DCUN1D4: variants seen among roughly 807,000 people sequenced by gnomAD.
DCUN1D4 encodes defective in cullin neddylation 1 domain containing 4, also known as DCN1-like protein 4.
DCUN1D4 carries 22 observed loss-of-function variants against 47.9 expected under a neutral mutation model. The ratio of observed to expected loss-of-function variants is 0.46; its 90% CI spans 0.33 to 0.66. The LOEUF (loss-of-function observed/expected upper bound fraction) is 0.66. Ranked by LOEUF, DCUN1D4 falls within the 30% of genes least tolerant of loss-of-function variation. The pLI, the probability that DCUN1D4 is intolerant of heterozygous loss-of-function variation, is 0.02. For synonymous variants in DCUN1D4, 121 were observed against 112.2 expected, an observed-to-expected ratio of 1.08 and a Z score of -0.50; for missense variants, 301 against 340.8, an observed-to-expected ratio of 0.88 and a Z score of 0.92.
rs1443621206 is a variant in DCUN1D4, at chr4:51,916,638, G to A, written c.*3054G>A. 3 of 152,514 alleles carry A rather than the reference G, an allele frequency of 2.0e-5. No homozygotes were observed. The highest frequency in any genetic ancestry group is 4.4e-5 in the Non-Finnish European group (3 of 67,990). 9.4% of individuals were successfully genotyped at this position (152,514 alleles called of 1,614,324 possible). On this transcript the variant is annotated 3_prime_UTR_variant, in exon 11 of 11. Transcript: ENST00000334635. ...TGGGGGTTACTGTTCAATGACAGCA[G>A]GTAACCTATAACTGTGAATGCTTCG...
chr4:51,850,482 T>C (rs1723207675), intron 1 of DCUN1D4, among the ~76,000 whole-genome samples: 1 of 152,190 alleles, frequency 6.6e-6, no homozygotes, highest in African/African-American at 2.4e-5. Context: ...TGTCATCTCC[T>C]AGCCAAGGGA....
intron 7 of DCUN1D4, among the ~76,000 whole-genome samples, chr4:51,894,861 T>C (rs1231534707): frequency 5.3e-5 from 8 of 152,202 alleles, no homozygotes; most frequent in Admixed American, 5.2e-4. Context: ...CAGAATGTTT[T>C]AGACTGGGTG....
chr4:51,868,127 A>G (rs1180688990), intron 3 of DCUN1D4, among the ~76,000 whole-genome samples: 4 of 152,188 alleles, frequency 2.6e-5, no homozygotes, highest in Non-Finnish European at 5.9e-5. Context: ...AGGAGTAGGG[A>G]GATGCCAGGA....
chr4:51,892,973 T>A (rs1040995069), intron 7 of DCUN1D4, among the ~76,000 whole-genome samples: 1 of 152,270 alleles, frequency 6.6e-6, no homozygotes, highest in African/African-American at 2.4e-5. Context: ...TTGTTATTGT[T>A]GAGAATGCTT....
chr4:51,853,526 G>T (rs569019453), intron 1 of DCUN1D4, among the ~76,000 whole-genome samples: 17 of 152,280 alleles, frequency 1.1e-4, no homozygotes, highest in Middle Eastern at 3.4e-3. Context: ...TTCCTGTCTA[G>T]CAGTGCTGAG....
chr4:51,874,352 A>T lies in DCUN1D4; in HGVS notation c.218A>T (p.Asp73Val). 6.2e-7 allele frequency: 1 copy of T among 1,613,758 alleles called. No homozygotes were observed. The highest frequency in any genetic ancestry group is 1.3e-5 in the African/African-American group (1 of 74,994). The change falls in exon 4 of 11, where the codon GAT becomes GTT. Residue 73 changes from aspartate to valine, a missense_variant. Physicochemically the swap from Asp to Val is radical, Grantham distance 152 (BLOSUM62 -3). Coordinates refer to ENST00000334635, the MANE Select transcript of DCUN1D4 (RefSeq NM_001040402.3). Reference sequence around the variant, plus strand: ...AAAAAGAGAAGACCTGCCTCTGGAGATGATTTATCTGCCAAGAAAAGTAGA... The same window carrying T: ...AAAAAGAGAAGACCTGCCTCTGGAGTTGATTTATCTGCCAAGAAAAGTAGA... ...PRKKRRPASG[D>V]DLSAKKSRHD...
chr4:51,886,282 G>C (rs1249724598), intron 5 of DCUN1D4, among the ~76,000 whole-genome samples: 1 of 152,140 alleles, frequency 6.6e-6, no homozygotes, highest in African/African-American at 2.4e-5. Flanking sequence ...ACATTAAGCT[G>C]TTTTAAAGAG....
At chr4:51,886,211 T>C (rs1029447529) in intron 5 of DCUN1D4, among the ~76,000 whole-genome samples, 3 of 152,250 alleles carry the variant, frequency 2.0e-5, no homozygotes, top group Non-Finnish European at 4.4e-5. Flanking sequence ...ATTATGTGGT[T>C]CTTTGCTATG....
chr4:51,867,364 G>A (rs1331783218), intron 3 of DCUN1D4, among the ~76,000 whole-genome samples: 4 of 152,244 alleles, frequency 2.6e-5, no homozygotes, highest in African/African-American at 9.6e-5. Context: ...GGCAAGGGGT[G>A]CGTTTCAGCC....
intron 5 of DCUN1D4, among the ~76,000 whole-genome samples, chr4:51,885,466 C>T (rs146620072): frequency 1.3e-5 from 2 of 152,228 alleles, no homozygotes; most frequent in African/African-American, 4.8e-5. Flanking sequence ...GGCCTGATAT[C>T]GAGAGACATT....
intron 4 of DCUN1D4, 29 bp downstream of exon 4, chr4:51,874,414 CA>C: frequency 1.3e-6 from 2 of 1,525,638 alleles, no homozygotes; most frequent in Non-Finnish European, 1.8e-6. Context: ...AGATCAGAAT[CA>C]GTGATACATA....
intron 4 of DCUN1D4, among the ~76,000 whole-genome samples, chr4:51,876,383 C>T (rs984542015): frequency 1.4e-4 from 21 of 146,222 alleles, no homozygotes; most frequent in Admixed American, 1.1e-3. Flanking sequence ...CACATGGACA[C>T]AGGAAGGGGA....
In DCUN1D4 at chr4:51,890,225, C is replaced by T. The variant is rs993411121; in HGVS notation, c.415-1535C>T. 7.2e-5 allele frequency among the ~76,000 whole-genome samples: 11 copies of T among 152,126 alleles called. No homozygotes were observed. The South Asian group carries it at 8.3e-4, about 12-fold the overall frequency. ...AGTTTTTAATGGACATGTTGGCTCT[C>T]GGAGGCTCAGAAATCATTAAAAATG... On this transcript the variant is annotated intron_variant, in intron 6 of 10. Coordinates refer to ENST00000334635, the MANE Select transcript of DCUN1D4 (RefSeq NM_001040402.3).
intron 5 of DCUN1D4, among the ~76,000 whole-genome samples, chr4:51,878,543 G>GC (rs1239983748): frequency 6.6e-6 from 1 of 152,084 alleles, no homozygotes; most frequent in Non-Finnish European, 1.5e-5. Context: ...CAGACAACCT[G>GC]CCATGTGCCA....
intron 1 of DCUN1D4, among the ~76,000 whole-genome samples, chr4:51,855,160 G>T (rs1294069016): frequency 6.6e-6 from 1 of 152,272 alleles, no homozygotes; most frequent in South Asian, 2.1e-4. Flanking sequence ...ACCTCCTGTT[G>T]TGTGACTCTG....
intron 8 of DCUN1D4, among the ~76,000 whole-genome samples, chr4:51,902,254 G>A (rs959871692): frequency 6.6e-6 from 1 of 152,212 alleles, no homozygotes; most frequent in Non-Finnish European, 1.5e-5. Flanking sequence ...GCTGTTGTCA[G>A]TGGAGTGTTC....
chr4:51,912,770 C>T (rs1354004707), intron 9 of DCUN1D4, among the ~76,000 whole-genome samples: 1 of 152,230 alleles, frequency 6.6e-6, no homozygotes, highest in African/African-American at 2.4e-5. Flanking sequence ...AGACCACTTG[C>T]AGCACTTACC....
rs1357433690 is a variant in DCUN1D4 at position 51,916,274 on chromosome 4, CACTGTAATGTT to C, written c.*2693_*2703del. ...TATTATTTGATTTGCCTCAAACATC[CACTGTAATGTT>C]ACATGCACCTTTTTTGAAGCATGAA... On this transcript the variant is annotated 3_prime_UTR_variant, in exon 11 of 11. Transcript: ENST00000334635. 1.3e-5 allele frequency: 2 copies of C among 152,156 alleles called. No homozygotes were observed. Among genetic ancestry groups the C allele is most frequent in the Admixed American group, 6.6e-5 (1 of 15,250 alleles). 9.4% of individuals were successfully genotyped at this position (152,156 alleles called of 1,614,324 possible).
chr4:51,847,612 T>G (rs1722753346), intron 1 of DCUN1D4, among the ~76,000 whole-genome samples: 2 of 151,978 alleles, frequency 1.3e-5, no homozygotes, highest in African/African-American at 4.8e-5. Context: ...CAATACATTT[T>G]TCTTTCTTTT....
Sources: gnomAD v4.1 joint callset for allele counts (sites outside exome capture counted in the v4.1 genomes callset) on GRCh38, gnomAD v4.1.1 for gene constraint, MANE v1.5 for transcripts, NCBI Gene and HGNC (gene_info 2026-07-23, HGNC 2026-07-21) for gene names.